Variants in EYS observed in about 807,000 individuals in gnomAD.
EYS encodes protein eyes shut homolog.
In EYS, 250 loss-of-function variants were observed where a neutral mutation model predicts 282.1. The ratio of observed to expected loss-of-function variants is 0.89; its 90% CI spans 0.80 to 0.98. EYS has a LOEUF of 0.98. EYS is among the 50% of genes least tolerant of loss of function. The probability of loss-of-function intolerance (pLI) is 0.00; values close to 1 mark genes in which losing one functional copy is unlikely to be tolerated. For missense variants in EYS, 4,016 were observed against 3,709.0 expected (o/e 1.08, Z -2.15); for synonymous variants, 1,355 against 1,282.9 (o/e 1.06, Z -1.20).
At chr6:65,513,517 T>A (rs570162376) in intron 2 of EYS, among the ~76,000 whole-genome samples, 31 of 152,114 alleles carry the variant, frequency 2.0e-4, no homozygotes, top group African/African-American at 7.2e-4. Flanking sequence ...ATATCCTTGA[T>A]GAACATTGAT....
intron 5 of EYS, among the ~76,000 whole-genome samples, chr6:65,485,167 C>T: frequency 6.6e-6 from 1 of 152,004 alleles, no homozygotes; most frequent in East Asian, 1.9e-4. Context: ...ATGTAGTTGC[C>T]CCTAAACTGT....
chr6:65,408,406 C>T (rs1356770759), intron 5 of EYS, among the ~76,000 whole-genome samples: 1 of 151,976 alleles, frequency 6.6e-6, no homozygotes, highest in Non-Finnish European at 1.5e-5. Context: ...TCTTAAATAT[C>T]TGGCAGGTCT....
intron 15 of EYS, among the ~76,000 whole-genome samples, chr6:64,943,687 A>C (rs2150094559): frequency 6.6e-6 from 1 of 152,234 alleles, no homozygotes; most frequent in African/African-American, 2.4e-5. Context: ...ACTACAAAAC[A>C]CTGCTAAAAG....
intron 22 of EYS, among the ~76,000 whole-genome samples, chr6:64,685,120 C>A (rs112201475): frequency 0.021 from 3,130 of 151,870 alleles, 114 homozygotes; most frequent in African/African-American, 0.072. Context: ...AGAAATTTGG[C>A]CTGATTATAA....
At chr6:64,457,063 C>T (rs1465552788) in intron 26 of EYS, among the ~76,000 whole-genome samples, 1 of 151,824 alleles carries the variant, frequency 6.6e-6, no homozygotes, top group African/African-American at 2.4e-5. Flanking sequence ...TTTTTGTATG[C>T]TGTGTTTTCA....
intron 5 of EYS, among the ~76,000 whole-genome samples, chr6:65,420,597 T>C (rs1767417222): frequency 6.7e-6 from 1 of 149,058 alleles, no homozygotes. Flanking sequence ...ACAAATATTC[T>C]TAATGGCATC....
At chr6:64,964,310 G>A (rs186764952) in intron 14 of EYS, among the ~76,000 whole-genome samples, 8 of 151,800 alleles carry the variant, frequency 5.3e-5, no homozygotes, top group Non-Finnish European at 1.2e-4. Context: ...CCCTTCAAAA[G>A]TTTTCATACA....
chr6:64,695,478 G>A (rs1165426700), intron 22 of EYS, among the ~76,000 whole-genome samples: 1 of 152,070 alleles, frequency 6.6e-6, no homozygotes, highest in Non-Finnish European at 1.5e-5. Context: ...ACTGGCATTT[G>A]AGGAAGCCAC....
intron 32 of EYS, among the ~76,000 whole-genome samples, chr6:64,081,539 G>T (rs1225084982): frequency 6.6e-6 from 1 of 152,144 alleles, no homozygotes; most frequent in South Asian, 2.1e-4. Flanking sequence ...CATATTTAGT[G>T]ATTTATATCA....
intron 24 of EYS, among the ~76,000 whole-genome samples, chr6:64,610,684 A>T (rs943767503): frequency 6.6e-6 from 1 of 152,164 alleles, no homozygotes; most frequent in African/African-American, 2.4e-5. Flanking sequence ...GGTTACAGGC[A>T]TGAGCCACTG....
chr6:65,525,068 T>TTTC (rs200412074), intron 2 of EYS, among the ~76,000 whole-genome samples: 33 of 151,976 alleles, frequency 2.2e-4, no homozygotes, highest in African/African-American at 8.0e-4. Flanking sequence ...TTTTTTTTTT[T>TTTC]CAATTTTACT....
At chr6:65,150,805 A>T (rs2150215044) in intron 12 of EYS, among the ~76,000 whole-genome samples, 1 of 151,976 alleles carries the variant, frequency 6.6e-6, no homozygotes, top group South Asian at 2.1e-4. Context: ...TTATCTCCCA[A>T]ATTTATTGTT....
Position 64,617,403 on chromosome 6 carries a change from A to T in EYS, c.3684+15T>A, listed in dbSNP as rs1767307761. ...ATAAAAAATTATTACAACCACAACC[A>T]CCAGTAATCTTTACCATAAATCCAG... On this transcript the variant is annotated intron_variant, in intron 24 of 42. Transcript: ENST00000503581. 1 of 1,460,772 alleles carries T rather than the reference A, an allele frequency of 6.8e-7. No homozygotes were observed. Among genetic ancestry groups the T allele is most frequent in the African/African-American group, 1.4e-5 (1 of 71,130 alleles). 90.5% of individuals were successfully genotyped at this position (1,460,772 alleles called of 1,614,324 possible). A position where few individuals can be genotyped will look rare whatever the true frequency, so the allele number is the denominator to read the frequency against.
intron 24 of EYS, among the ~76,000 whole-genome samples, chr6:64,609,398 G>C (rs1767037390): frequency 6.6e-6 from 1 of 152,120 alleles, no homozygotes; most frequent in South Asian, 2.1e-4. Context: ...CCAGAATTTT[G>C]AAGGGAATAT....
chr6:65,172,899 A>G (rs12207336), intron 12 of EYS, among the ~76,000 whole-genome samples: 3,873 of 151,238 alleles, frequency 0.026, 62 homozygotes, highest in Middle Eastern at 0.044. Flanking sequence ...TTATCAGAAC[A>G]TGAAGGAACC....
intron 12 of EYS, among the ~76,000 whole-genome samples, chr6:65,066,576 G>A (rs1235730182): frequency 6.6e-6 from 1 of 152,134 alleles, no homozygotes; most frequent in Non-Finnish European, 1.5e-5. Context: ...ATCACAGAGT[G>A]CTTCAGAAAG....
At chr6:64,140,082 G>C (rs1220102431) in intron 31 of EYS, among the ~76,000 whole-genome samples, 2 of 152,096 alleles carry the variant, frequency 1.3e-5, no homozygotes, top group Non-Finnish European at 2.9e-5. Flanking sequence ...TGTAAATGGT[G>C]GTATTTGGAA....
intron 12 of EYS, among the ~76,000 whole-genome samples, chr6:65,278,166 G>A (rs1473734233): frequency 6.7e-6 from 1 of 148,180 alleles, no homozygotes; most frequent in African/African-American, 2.5e-5. Flanking sequence ...CAGGCCTTTG[G>A]ACTGGGAGTG....
intron 12 of EYS, among the ~76,000 whole-genome samples, chr6:65,225,204 G>T (rs867977329): frequency 1.8e-4 from 27 of 150,644 alleles, no homozygotes; most frequent in Middle Eastern, 3.5e-3. Flanking sequence ...ACAGAGAATT[G>T]AAATATAATA....
Sources: gnomAD v4.1 joint callset for allele counts (sites outside exome capture counted in the v4.1 genomes callset) on GRCh38, gnomAD v4.1.1 for gene constraint, MANE v1.5 for transcripts, NCBI Gene and HGNC (gene_info 2026-07-23, HGNC 2026-07-21) for gene names.